AMN1: variants seen among roughly 807,000 people sequenced by gnomAD.
AMN1 encodes protein AMN1 homolog.
AMN1 carries 20 observed loss-of-function variants against 33.0 expected under a neutral mutation model. That is an observed-to-expected ratio of 0.61 (90% CI 0.43 to 0.88). The LOEUF is 0.88. Ranked by LOEUF, AMN1 falls within the 40% of genes least tolerant of loss-of-function variation. The pLI, the probability that AMN1 is intolerant of heterozygous loss-of-function variation, is 0.00. For missense variants in AMN1, 246 were observed against 307.4 expected, an observed-to-expected ratio of 0.80 and a Z score of 1.49; for synonymous variants, 114 against 111.9, an observed-to-expected ratio of 1.02 and a Z score of -0.12.
chr12:31,728,016 G>A (rs199932489), intron 1 of AMN1, among the ~76,000 whole-genome samples: 2 of 152,006 alleles, frequency 1.3e-5, no homozygotes, highest in Non-Finnish European at 2.9e-5. Context: ...GTGAACCACC[G>A]TGCCCAGATA....
chr12:31,672,610 G>A (rs936871146), intron 6 of AMN1: 3 of 359,638 alleles, frequency 8.3e-6, no homozygotes, highest in Non-Finnish European at 1.5e-5. Flanking sequence ...AAAAAAAACA[G>A]GCATTTGTTG....
chr12:31,712,905 C>T (rs942698269), intron 1 of AMN1, among the ~76,000 whole-genome samples: 3 of 149,564 alleles, frequency 2.0e-5, no homozygotes, highest in African/African-American at 7.7e-5. Flanking sequence ...CCACACGCCT[C>T]GGCCTCCCAA....
intron 6 of AMN1, among the ~76,000 whole-genome samples, chr12:31,682,565 G>A (rs1356256283): frequency 6.6e-6 from 1 of 152,082 alleles, no homozygotes; most frequent in African/African-American, 2.4e-5. Context: ...GCAGTGATTT[G>A]GGGTCTTTTA....
At chr12:31,712,565 GGCT>G (rs1294599920) in intron 1 of AMN1, among the ~76,000 whole-genome samples, 2 of 152,080 alleles carry the variant, frequency 1.3e-5, no homozygotes, top group Non-Finnish European at 2.9e-5. Flanking sequence ...ATTTTTTAAT[GGCT>G]GAATAATATT....
rs76361180 is a variant in AMN1, at chr12:31,672,391, C to T, written c.704-14G>A. 2,700 of 1,535,468 alleles carry T rather than the reference C, an allele frequency of 1.8e-3. 35 individuals are homozygous for T. The African/African-American group carries it at 0.033, about 19-fold the overall frequency. Reference sequence around the variant, plus strand: ...CTCGGGAATGATCTATAAAAGAAAACAATGACAATATATTAATTGACAATA... The same window carrying T: ...CTCGGGAATGATCTATAAAAGAAAATAATGACAATATATTAATTGACAATA... On this transcript the variant is annotated splice_polypyrimidine_tract_variant and intron_variant, in intron 6 of 6. Coordinates refer to ENST00000281471, the MANE Select transcript of AMN1 (RefSeq NM_001113402.2).
At chr12:31,703,980 G>C (rs1473135045) in intron 2 of AMN1, among the ~76,000 whole-genome samples, 1 of 152,098 alleles carries the variant, frequency 6.6e-6, no homozygotes, top group East Asian at 1.9e-4. Flanking sequence ...GAGAAATAAA[G>C]GTGTCTTGCT....
chr12:31,689,839 G>C (rs1001956595), intron 5 of AMN1, among the ~76,000 whole-genome samples: 3 of 152,156 alleles, frequency 2.0e-5, no homozygotes, highest in Admixed American at 6.5e-5. Flanking sequence ...TCATTTGTGA[G>C]ATTTTGGTGC....
At chr12:31,706,251 G>C (rs1194173997) in intron 2 of AMN1, among the ~76,000 whole-genome samples, 1 of 144,144 alleles carries the variant, frequency 6.9e-6, no homozygotes, top group Non-Finnish European at 1.5e-5. Flanking sequence ...GGCAGAGGTT[G>C]CAGTGAGCCA....
Position 31,709,389 on chromosome 12 carries a change from A to T in AMN1, c.75T>A (p.Tyr25Ter). 1 of 1,613,842 alleles carries T rather than the reference A, an allele frequency of 6.2e-7. No individual in the cohort carries two copies. The change falls in exon 2 of 7, where the codon TAT becomes TAA. Residue 25 changes from tyrosine to a stop codon, truncating the protein, a stop_gained. Transcript: ENST00000281471. LOFTEE classifies it high-confidence loss of function. ...GAGGCAAAGGCTTAATGTCTGTGAG[A>T]TATCTGGAAATATTCTTCATGAAGC... Reference protein sequence around the residue: ...LWCFMKNISRYLTDIKPLPPN... With the variant: ...LWCFMKNISR
intron 3 of AMN1, 68 bp from the exon 4 acceptor site, chr12:31,698,025 TG>T (rs1938812917): frequency 2.0e-6 from 3 of 1,477,582 alleles, no homozygotes; most frequent in Non-Finnish European, 2.8e-6. Context: ...GAAATGTGAC[TG>T]ATTTTCATTT....
Position 31,680,192 on chromosome 12 carries a change from A to ATTTTC in AMN1, c.704-7820_704-7816dup, listed in dbSNP as rs375237161. Among the ~76,000 whole-genome samples, 37 of 150,956 alleles carry ATTTTC rather than the reference A, an allele frequency of 2.5e-4. No homozygotes were observed. The East Asian group carries it at 2.5e-3, about 10-fold the overall frequency. ...CTGTTGTAACATCTATAAAACTATA[A>ATTTTC]TTTTCTTTTCTTTTCTTTTCTTTTG... On this transcript the variant is annotated intron_variant, in intron 6 of 6. Coordinates refer to ENST00000281471, the MANE Select transcript of AMN1 (RefSeq NM_001113402.2).
At chr12:31,681,121 C>A (rs1937990173) in intron 6 of AMN1, among the ~76,000 whole-genome samples, 1 of 152,014 alleles carries the variant, frequency 6.6e-6, no homozygotes, top group Admixed American at 6.6e-5. Context: ...GCTTTTTTCT[C>A]TTTAGTTTAT....
chr12:31,704,898 G>A (rs142175884), intron 2 of AMN1, among the ~76,000 whole-genome samples: 20 of 152,180 alleles, frequency 1.3e-4, no homozygotes, highest in Non-Finnish European at 2.6e-4. Context: ...TAAAGGGATA[G>A]TAAGAAATGT....
Position 31,701,931 on chromosome 12 carries a change from T to TG in AMN1, c.247_248insC (p.Asn83ThrfsTer3). On this transcript the variant is annotated frameshift_variant, in exon 3 of 7. Transcript: ENST00000281471. LOFTEE classifies it high-confidence loss of function. The stretch of plus-strand genomic sequence containing the variant: ...ATTTAATTTCTTCAGTTTTCTACAG[T>TG]TAGACAGGTGCAGGAGAGCAGCATC... The TG allele has an allele frequency of 3.1e-6, 5 of 1,609,928 alleles. No homozygotes were observed. The highest frequency in any genetic ancestry group is 4.2e-6 in the Non-Finnish European group (5 of 1,178,714).
chr12:31,697,014 G>A (rs1938758365), intron 5 of AMN1, among the ~76,000 whole-genome samples: 1 of 151,848 alleles, frequency 6.6e-6, no homozygotes, highest in African/African-American at 2.4e-5. Flanking sequence ...ACTCCTGGTA[G>A]AAATATCATT....
intron 1 of AMN1, among the ~76,000 whole-genome samples, chr12:31,710,887 C>T (rs1592170628): frequency 6.6e-6 from 1 of 152,112 alleles, no homozygotes; most frequent in Non-Finnish European, 1.5e-5. Context: ...CCCTCTACAT[C>T]CTTCCAGCAA....
chr12:31,728,665 C>G (rs1940178734), intron 1 of AMN1, among the ~76,000 whole-genome samples: 1 of 152,208 alleles, frequency 6.6e-6, no homozygotes, highest in African/African-American at 2.4e-5. Context: ...AGGCTTTTAG[C>G]TGCTAAGAGA....
Position 31,728,991 on chromosome 12 carries a change from C to T in AMN1, c.18G>A (p.Arg6=). 6 of 1,546,164 alleles carry T rather than the reference C, an allele frequency of 3.9e-6. No individual in the cohort carries two copies. The highest frequency in any genetic ancestry group is 3.5e-6 in the Non-Finnish European group (4 of 1,143,396). The change falls in exon 1 of 7, where the codon CGG becomes CGA. Residue 6 remains arginine, a synonymous_variant. Transcript: ENST00000281471. MPRPR[R]VSQLLDLCLW... ...CTCACAGATCCAGGAGCTGACTGAC[C>T]CGCCGTGGGCGAGGCATCGCTGCAG...
upstream of AMN1, chr12:31,729,073 G>A: frequency 1.4e-6 from 2 of 1,435,272 alleles, no homozygotes; most frequent in Non-Finnish European, 1.9e-6. Flanking sequence ...GGGACCGTCC[G>A]CCAACTCCCG....
Sources: allele counts gnomAD v4.1 joint callset (sites outside exome capture counted in the v4.1 genomes callset), GRCh38; gene constraint gnomAD v4.1.1; transcripts MANE v1.5; gene names NCBI Gene and HGNC (gene_info 2026-07-23, HGNC 2026-07-21).